NTM: variants seen among roughly 807,000 people sequenced by gnomAD.
NTM encodes the protein IgLON family member 2.
A neutral mutation model predicts 42.1 loss-of-function variants in NTM; 13 were observed. The ratio of observed to expected loss-of-function variants is 0.31; its 90% CI spans 0.20 to 0.49. NTM has a LOEUF of 0.49. Ranked by LOEUF, NTM falls within the 20% of genes least tolerant of loss-of-function variation. NTM has a pLI of 0.99. For missense variants in NTM, 373 were observed against 452.8 expected (o/e 0.82, Z 1.60); for synonymous variants, 187 against 179.2 (o/e 1.04, Z -0.35).
chr11:132,229,037 A>G (rs1248629110), intron 4 of NTM, among the ~76,000 whole-genome samples: 1 of 152,164 alleles, frequency 6.6e-6, no homozygotes, highest in Non-Finnish European at 1.5e-5. Flanking sequence ...GCTGCCTAAA[A>G]TGGTGAGATT....
In NTM at chr11:132,221,916, C is replaced by T. The variant is rs111846794; in HGVS notation, c.526+9769C>T. On this transcript the variant is annotated intron_variant, in intron 4 of 8. Transcript: ENST00000683400. Reference sequence around the variant, plus strand: ...CATATTGTTAATGCATATTGATTTCCTGCTTGATGTCTAGCCCACTGCTTC... The same window carrying T: ...CATATTGTTAATGCATATTGATTTCTTGCTTGATGTCTAGCCCACTGCTTC... Among the ~76,000 whole-genome samples, 228 of 152,296 alleles carry T rather than the reference C, an allele frequency of 1.5e-3. No homozygotes were observed. In the Middle Eastern group the frequency reaches 0.031, roughly 20 times the overall value.
At chr11:131,676,001 G>T (rs1305031313) in intron 1 of NTM, among the ~76,000 whole-genome samples, 2 of 152,110 alleles carry the variant, frequency 1.3e-5, no homozygotes, top group African/African-American at 4.8e-5. Flanking sequence ...CAAACCCCTT[G>T]GACCAATGGT....
chr11:131,460,592 G>A (rs574705487), intron 1 of NTM, among the ~76,000 whole-genome samples: 16 of 151,794 alleles, frequency 1.1e-4, no homozygotes, highest in African/African-American at 2.7e-4. Context: ...TCGCTCTGTC[G>A]CCCAGACTAG....
intron 2 of NTM, among the ~76,000 whole-genome samples, chr11:131,962,341 C>G (rs1343262183): frequency 2.0e-5 from 3 of 152,166 alleles, no homozygotes; most frequent in Non-Finnish European, 4.4e-5. Flanking sequence ...ACAATTGTGT[C>G]CTTCCAAAAT....
chr11:131,773,298 C>T (rs143736103), intron 1 of NTM, among the ~76,000 whole-genome samples: 5 of 152,244 alleles, frequency 3.3e-5, no homozygotes, highest in African/African-American at 4.8e-5. Flanking sequence ...TTGGAGCCCT[C>T]GTGAACTAAT....
At chr11:131,893,514 G>T (rs77165992) in intron 1 of NTM, among the ~76,000 whole-genome samples, 1 of 152,176 alleles carries the variant, frequency 6.6e-6, no homozygotes, top group African/African-American at 2.4e-5. Context: ...GTCTATGAGA[G>T]TGAGGGAATA....
chr11:131,746,604 A>G (rs2081862262), intron 1 of NTM, among the ~76,000 whole-genome samples: 1 of 152,228 alleles, frequency 6.6e-6, no homozygotes, highest in East Asian at 1.9e-4. Context: ...TACAATTTGC[A>G]GTTTCAGGTT....
chr11:132,092,036 C>A (rs537704017), intron 2 of NTM, among the ~76,000 whole-genome samples: 1 of 152,320 alleles, frequency 6.6e-6, no homozygotes, highest in African/African-American at 2.4e-5. Context: ...TAAAGAAAAG[C>A]TATTCCACCC....
At chr11:132,211,903 C>T (rs1022757969) in intron 3 of NTM, 119 bp from the exon 4 acceptor site, 8 of 855,848 alleles carry the variant, frequency 9.3e-6, no homozygotes, top group South Asian at 2.6e-5. Flanking sequence ...AATTTCTTAT[C>T]GTTAACTTAC....
intron 4 of NTM, among the ~76,000 whole-genome samples, chr11:132,248,349 C>T (rs2091487150): frequency 1.3e-5 from 2 of 152,014 alleles, no homozygotes; most frequent in Admixed American, 6.5e-5. Flanking sequence ...TATTTTTATC[C>T]TCCTACACTA....
intron 1 of NTM, among the ~76,000 whole-genome samples, chr11:131,546,155 G>T (rs1449447305): frequency 1.3e-5 from 2 of 152,184 alleles, no homozygotes; most frequent in African/African-American, 2.4e-5. Context: ...AGATAGGAAA[G>T]GTTTGAAGCG....
At chr11:131,891,429 G>T (rs1192847474) in intron 1 of NTM, among the ~76,000 whole-genome samples, 1 of 152,192 alleles carries the variant, frequency 6.6e-6, no homozygotes, top group Non-Finnish European at 1.5e-5. Context: ...CTGTCCAGAA[G>T]TATGGGGAAT....
At chr11:132,028,361 A>G (rs2075468586) in intron 2 of NTM, among the ~76,000 whole-genome samples, 1 of 150,730 alleles carries the variant, frequency 6.6e-6, no homozygotes, top group Admixed American at 6.6e-5. Flanking sequence ...TTAAAGTTTT[A>G]TGTTTCTGGC....
At chr11:131,518,954 A>G (rs2049241137) in intron 1 of NTM, among the ~76,000 whole-genome samples, 1 of 152,238 alleles carries the variant, frequency 6.6e-6, no homozygotes, top group African/African-American at 2.4e-5. Context: ...AATGTCCTGT[A>G]TTGTAGGTGC....
chr11:132,284,987 G>T (rs1200040322), intron 4 of NTM: 1 of 152,446 alleles, frequency 6.6e-6, no homozygotes, highest in Admixed American at 6.5e-5. Flanking sequence ...GGAAGCATGA[G>T]CAGGAGCAGG....
At chr11:132,147,507 A>T (rs1279776871) in intron 3 of NTM, among the ~76,000 whole-genome samples, 1 of 152,160 alleles carries the variant, frequency 6.6e-6, no homozygotes, top group Non-Finnish European at 1.5e-5. Flanking sequence ...CACGTAGAAG[A>T]GGGCGTGGCA....
intron 1 of NTM, among the ~76,000 whole-genome samples, chr11:131,864,099 T>C (rs1592354272): frequency 6.6e-6 from 1 of 151,630 alleles, no homozygotes; most frequent in East Asian, 1.9e-4. Flanking sequence ...AGGCAGGGAG[T>C]TAGATCAGTC....
At chr11:131,922,234 T>A (rs2057331158) in intron 2 of NTM, 1 of 152,662 alleles carries the variant, frequency 6.6e-6, no homozygotes, top group East Asian at 1.9e-4. Context: ...CTTTTTCACC[T>A]TTCTCGACAT....
At chr11:132,057,390 G>T (rs1664308641) in intron 2 of NTM, among the ~76,000 whole-genome samples, 1 of 151,968 alleles carries the variant, frequency 6.6e-6, no homozygotes, top group African/African-American at 2.4e-5. Context: ...TGATTTTCTT[G>T]TCCTACTTTG....
Sources: allele counts gnomAD v4.1 joint callset (sites outside exome capture counted in the v4.1 genomes callset), GRCh38; gene constraint gnomAD v4.1.1; transcripts MANE v1.5; gene names NCBI Gene and HGNC (gene_info 2026-07-23, HGNC 2026-07-21).